The following SLC4A9 variants were observed in gnomAD, a reference collection of about 807,000 sequenced individuals.
SLC4A9 encodes anion exchange protein 4.
A neutral mutation model predicts 103.2 loss-of-function variants in SLC4A9; 102 were observed. The ratio of observed to expected loss-of-function variants is 0.99; its 90% confidence interval spans 0.84 to 1.17. The LOEUF (loss-of-function observed/expected upper bound fraction) is 1.17, where lower values mean the gene tolerates loss of function less well. Ranked by LOEUF, SLC4A9 falls within the 50% of genes most tolerant of loss-of-function variation. The probability of loss-of-function intolerance (pLI) is 0.00; values close to 1 mark genes in which losing one functional copy is unlikely to be tolerated. For synonymous variants in SLC4A9, 453 were observed against 483.6 expected, an observed-to-expected ratio of 0.94 and a Z score of 0.83; for missense variants, 1,091 against 1,193.7, an observed-to-expected ratio of 0.91 and a Z score of 1.27.
At chr5:140,370,589 G>A (rs1008905479) in intron 17 of SLC4A9, among the ~76,000 whole-genome samples, 63 of 152,192 alleles carry the variant, frequency 4.1e-4, no homozygotes, top group African/African-American at 1.5e-3. Flanking sequence ...GGCTACTTTA[G>A]ATGGGGCCTG....
chr5:140,371,693 A>C, intron 19 of SLC4A9, 69 bp downstream of exon 19: 1 of 1,552,780 alleles, frequency 6.4e-7, no homozygotes, highest in East Asian at 2.3e-5. Flanking sequence ...AAGGGTGGCC[A>C]AGGCCTCCAC....
rs772347088 is a variant in SLC4A9 at position 140,368,674 on chromosome 5, C to T, written c.2427+15C>T. ...CTGTGCTCAAGGTACCTTTGTTATA[C>T]AAGCCAGGATCAGGGTCAGTGTAGT... On this transcript the variant is annotated intron_variant, in intron 17 of 21. Transcript: ENST00000506757. 56 of 1,610,136 alleles carry T rather than the reference C, an allele frequency of 3.5e-5. No homozygotes were observed. Among genetic ancestry groups the T allele is most frequent in the Admixed American group, 1.8e-4 (11 of 59,838 alleles).
chr5:140,371,727 C>A, intron 19 of SLC4A9, 103 bp downstream of exon 19: 1 of 1,277,732 alleles, frequency 7.8e-7, no homozygotes, highest in Non-Finnish European at 1.1e-6. Flanking sequence ...TCCCCTCTCA[C>A]TCGCTGTGGC....
Position 140,362,428 on chromosome 5 carries a change from C to T in SLC4A9, c.720-17C>T. 2 of 1,612,014 alleles carry T rather than the reference C, an allele frequency of 1.2e-6. No homozygotes were observed. The highest frequency in any genetic ancestry group is 1.7e-6 in the Non-Finnish European group (2 of 1,178,100). ...GAAAGCAGCCTGTGAATCTCTGGGG[C>T]CTGGTTCCTTCCTCAGGTTTTTCTG... is the stretch of plus-strand genomic sequence containing the variant. On this transcript the variant is annotated splice_polypyrimidine_tract_variant and intron_variant, in intron 5 of 21. Coordinates refer to ENST00000506757, the MANE Select transcript of SLC4A9 (RefSeq NM_031467.3).
chr5:140,363,318 C>G lies in SLC4A9; in HGVS notation c.963-121C>G. On this transcript the variant is annotated intron_variant, in intron 7 of 21. Coordinates refer to ENST00000506757, the MANE Select transcript of SLC4A9 (RefSeq NM_031467.3). The surrounding 1 kb of genome is among the most constrained non-coding windows in gnomAD (Gnocchi z 4.5). ...GACCTTCTAGAGGCCCAGGTGTCGC[C>G]ATGGTTCCCTCGCCGGCAGAGACAA... 9.8e-6 allele frequency: 10 copies of G among 1,021,050 alleles called. No homozygotes were observed. The highest frequency in any genetic ancestry group is 1.4e-5 in the Non-Finnish European group (10 of 697,238). The allele number at this position is 1,021,050 out of a possible 1,614,324, so 63.2% of individuals were successfully genotyped here. A position where few individuals can be genotyped will look rare whatever the true frequency, so the allele number is the denominator to read the frequency against.
Position 140,363,085 on chromosome 5 carries a change from C to T in SLC4A9, c.962+19C>T, listed in dbSNP as rs1767346106. ...ACAAAAGGTACCTGGGAGCCATCATCCCATACAGATTCCTGCCCATATAGG... is the reference window on the plus strand; with the variant it reads ...ACAAAAGGTACCTGGGAGCCATCATTCCATACAGATTCCTGCCCATATAGG... On this transcript the variant is annotated intron_variant, in intron 7 of 21. Coordinates refer to ENST00000506757, the MANE Select transcript of SLC4A9 (RefSeq NM_031467.3). This position sits in a 1 kb window ranked among gnomAD's most constrained non-coding sequence, Gnocchi z 4.5. 2 of 1,609,552 alleles carry T rather than the reference C, an allele frequency of 1.2e-6. No homozygotes were observed. The highest frequency in any genetic ancestry group is 4.5e-5 in the East Asian group (2 of 44,874).
intron 19 of SLC4A9, 82 bp from the exon 20 acceptor site, chr5:140,372,160 G>C (rs987768707): frequency 7.3e-6 from 9 of 1,233,912 alleles, no homozygotes; most frequent in Non-Finnish European, 5.5e-6. Flanking sequence ...CTAGCACATA[G>C]GAAGTGCTCA....
At chr5:140,370,900 G>A in intron 17 of SLC4A9, 195 bp from the exon 18 acceptor site, 1 of 559,208 alleles carries the variant, frequency 1.8e-6, no homozygotes, top group Non-Finnish European at 3.2e-6. Context: ...GTAAAATGAA[G>A]GCAATAATAA....
At chr5:140,361,138 T>C (rs900996843) in intron 2 of SLC4A9, 116 bp from the exon 3 acceptor site, 39 of 1,198,486 alleles carry the variant, frequency 3.3e-5, no homozygotes, top group Admixed American at 8.8e-5. Flanking sequence ...AGCAAGTTCA[T>C]TGGCCCTGGC....
rs768705584 is a variant in SLC4A9 at position 140,371,073 on chromosome 5, ACT to A, written c.2428-17_2428-16del. 1.9e-6 allele frequency: 3 copies of A among 1,602,032 alleles called. No homozygotes were observed. The highest frequency in any genetic ancestry group is 2.6e-6 in the Non-Finnish European group (3 of 1,174,298). On this transcript the variant is annotated intron_variant, in intron 17 of 21. Transcript: ENST00000506757. ...AGGTTGGCAGAGGTAAACTTTGATAACTCTCTGCTTCTTTCTACCAGTTCATT... is the reference window on the plus strand; with the variant it reads ...AGGTTGGCAGAGGTAAACTTTGATAACTCTGCTTCTTTCTACCAGTTCATT...
Position 140,365,979 on chromosome 5 carries a change from T to C in SLC4A9, c.1856T>C (p.Met619Thr). The change falls in exon 13 of 22, where the codon ATG (methionine) becomes ACG (threonine). Residue 619 changes from methionine to threonine, a missense_variant. Coordinates refer to ENST00000506757, the MANE Select transcript of SLC4A9 (RefSeq NM_031467.3). ...TTCCTTACTTCTTTCTTCTTTGCTA[T>C]GGCCCTCAAGTGTGTAAAGACCAGC... The part of the protein sequence containing the change: ...LLFLTSFFFA[M>T]ALKCVKTSRF... 6.2e-7 allele frequency: 1 copy of C among 1,614,062 alleles called. No individual in the cohort carries two copies. Among genetic ancestry groups the C allele is most frequent in the Non-Finnish European group, 8.5e-7 (1 of 1,179,898 alleles).
In SLC4A9 at chr5:140,361,238, C is replaced by A; in HGVS notation, c.392-16C>A. 1 of 1,548,998 alleles carries A rather than the reference C, an allele frequency of 6.5e-7. No homozygotes were observed. The highest frequency in any genetic ancestry group is 8.7e-7 in the Non-Finnish European group (1 of 1,143,448). The stretch of plus-strand genomic sequence containing the variant: ...GGAACTCTCAGGAAGGAGATGACCC[C>A]CAATCCATTCTCCAGAGCAGGTGAC... On this transcript the variant is annotated splice_polypyrimidine_tract_variant and intron_variant, in intron 2 of 21. Transcript: ENST00000506757.
chr5:140,367,930 G>C, intron 16 of SLC4A9, 32 bp downstream of exon 16: 1 of 1,611,056 alleles, frequency 6.2e-7, no homozygotes, highest in Non-Finnish European at 8.5e-7. Context: ...TGGAGTAAGA[G>C]GTGGGCAGCA....
At chr5:140,368,027 A>T in intron 16 of SLC4A9, 129 bp downstream of exon 16, 1 of 952,874 alleles carries the variant, frequency 1.0e-6, no homozygotes, top group Non-Finnish European at 1.6e-6. Context: ...TGGCAGAATG[A>T]GTGAGTTCTG....
At chr5:140,370,102 A>G (rs1315462876) in intron 17 of SLC4A9, among the ~76,000 whole-genome samples, 1 of 152,226 alleles carries the variant, frequency 6.6e-6, no homozygotes, top group Non-Finnish European at 1.5e-5. Context: ...TACTGGGGAT[A>G]TAATGGTGCT....
Position 140,363,399 on chromosome 5 carries a change from T to G in SLC4A9, c.963-40T>G. The G allele has an allele frequency of 1.2e-5, 18 of 1,527,664 alleles. No individual in the cohort carries two copies. Among genetic ancestry groups the G allele is most frequent in the Non-Finnish European group, 1.6e-5 (18 of 1,126,522 alleles). The allele number at this position is 1,527,664 out of a possible 1,614,324, so 94.6% of individuals were successfully genotyped here. A position where few individuals can be genotyped will look rare whatever the true frequency, so the allele number is the denominator to read the frequency against. On this transcript the variant is annotated intron_variant, in intron 7 of 21. Coordinates refer to ENST00000506757, the MANE Select transcript of SLC4A9 (RefSeq NM_031467.3). This position sits in a 1 kb window ranked among gnomAD's most constrained non-coding sequence, Gnocchi z 4.5. Reference sequence around the variant, plus strand: ...GCTCTGGACCGAGTCGCAGACTGGTTGGAGATCCTCAGCCAACCTGGGGTT... The same window carrying G: ...GCTCTGGACCGAGTCGCAGACTGGTGGGAGATCCTCAGCCAACCTGGGGTT...
At chr5:140,366,334 A>G (rs1767887346) in intron 14 of SLC4A9, 70 bp downstream of exon 14, 9 of 1,062,074 alleles carry the variant, frequency 8.5e-6, no homozygotes, top group Admixed American at 2.5e-5. Context: ...GGGAAGGAAA[A>G]TGAATAAATC....
chr5:140,360,815 G>C lies in SLC4A9; in HGVS notation c.234G>C (p.Trp78Cys), dbSNP rs770330180. Residue 78 changes from tryptophan to cysteine, a missense_variant, in exon 2 of 22, where the codon TGG becomes TGC. Transcript: ENST00000506757. ...TGTCTACCCACCTTCATCACAGGTG[G>C]GTACTGTTTGAGGAGAAGTTGGAGG... ...QALEWRETGR[W>C]VLFEEKLEVA... 6.2e-7 allele frequency: 1 copy of C among 1,613,512 alleles called. No individual in the cohort carries two copies. Among genetic ancestry groups the C allele is most frequent in the Non-Finnish European group, 8.5e-7 (1 of 1,179,846 alleles).
rs757074805 is a variant in SLC4A9, at chr5:140,364,251, G to A, written c.1388+64G>A. The A allele has an allele frequency of 3.4e-4, 536 of 1,574,340 alleles. 1 individual carries two copies. Among genetic ancestry groups the A allele is most frequent in the Admixed American group, 5.5e-4 (32 of 57,796 alleles). On this transcript the variant is annotated intron_variant, in intron 10 of 21. Transcript: ENST00000506757. ...CCATGGTCAGCCTGCTCCTGGCTGG[G>A]TGAATAGGAGAGAGTGGGAGCTATC... is the stretch of plus-strand genomic sequence containing the variant.
Sources: gnomAD v4.1 joint callset for allele counts (sites outside exome capture counted in the v4.1 genomes callset) on GRCh38, gnomAD v4.1.1 for gene constraint, Gnocchi (gnomAD v3.1) non-coding constraint, MANE v1.5 for transcripts, NCBI Gene and HGNC (gene_info 2026-07-23, HGNC 2026-07-21) for gene names.